SNX29: variants seen among roughly 807,000 people sequenced by gnomAD.
SNX29 encodes sorting nexin-29.
In SNX29, 78 loss-of-function variants were observed where a neutral mutation model predicts 102.1. That is an observed-to-expected ratio of 0.76 (90% CI 0.64 to 0.92). The LOEUF is 0.92. Ranked by LOEUF, SNX29 falls within the 40% of genes least tolerant of loss-of-function variation. The pLI, the probability that SNX29 is intolerant of heterozygous loss-of-function variation, is 0.00. For synonymous variants in SNX29, 580 were observed against 414.5 expected, an observed-to-expected ratio of 1.40 and a Z score of -4.85; for missense variants, 1,280 against 1,061.7, an observed-to-expected ratio of 1.21 and a Z score of -2.86.
chr16:12,554,067 C>T lies in SNX29; in HGVS notation c.2319-14439C>T, dbSNP rs1052546599. ...TCTGTAAATCCTGACCTCAAATGAT[C>T]CTCTCACCTTGGCCTCCCAAAAGCA... is the stretch of plus-strand genomic sequence containing the variant. On this transcript the variant is annotated intron_variant, in intron 20 of 20. Coordinates refer to ENST00000566228, the MANE Select transcript of SNX29 (RefSeq NM_032167.5). Among the ~76,000 whole-genome samples, 15 of 152,322 alleles carry T rather than the reference C, an allele frequency of 9.8e-5. 1 individual carries two copies. The highest frequency in any genetic ancestry group is 7.8e-4 in the Admixed American group (12 of 15,296).
chr16:12,134,775 G>C (rs1461923917), intron 13 of SNX29, among the ~76,000 whole-genome samples: 1 of 152,172 alleles, frequency 6.6e-6, no homozygotes, highest in Non-Finnish European at 1.5e-5. Context: ...CACTCATCAG[G>C]TATCTGCTTC....
chr16:12,564,060 C>T (rs184771728), intron 20 of SNX29, among the ~76,000 whole-genome samples: 8 of 152,258 alleles, frequency 5.3e-5, no homozygotes, highest in East Asian at 3.9e-4. Context: ...GGTTTGGCAA[C>T]GATGCTGTAT....
At chr16:12,144,744 C>G (rs957214611) in intron 13 of SNX29, among the ~76,000 whole-genome samples, 3 of 152,208 alleles carry the variant, frequency 2.0e-5, no homozygotes, top group African/African-American at 4.8e-5. Context: ...TTTTTTGAGA[C>G]GGAGTCTCGC....
At chr16:12,553,378 T>C (rs955121714) in intron 20 of SNX29, among the ~76,000 whole-genome samples, 1 of 152,178 alleles carries the variant, frequency 6.6e-6, no homozygotes, top group African/African-American at 2.4e-5. Context: ...AGACATGCTC[T>C]CAAGTTGAAC....
At position 12,514,918 on chromosome 16, in the gene SNX29, G is replaced by GAGAAAGAA. The variant is rs68136330; in HGVS notation, c.2179-9768_2179-9761dup. Among the ~76,000 whole-genome samples the GAGAAAGAA allele has an allele frequency of 8.0e-5, 12 of 149,332 alleles. No individual in the cohort carries two copies. The East Asian group carries it at 1.6e-3, about 20-fold the overall frequency. On this transcript the variant is annotated intron_variant, in intron 19 of 20. Coordinates refer to ENST00000566228, the MANE Select transcript of SNX29 (RefSeq NM_032167.5). Reference sequence around the variant, plus strand: ...AGAGAGAGGGAGAGAGAAAGAAAGAGAGAAAGAAAGAAAGAAAGAAAGAGA... The same window carrying GAGAAAGAA: ...AGAGAGAGGGAGAGAGAAAGAAAGAGAGAAAGAAAGAAAGAAAGAAAGAAAGAAAGAGA...
At chr16:12,212,643 G>GA (rs1252183568) in intron 14 of SNX29, among the ~76,000 whole-genome samples, 1 of 152,080 alleles carries the variant, frequency 6.6e-6, no homozygotes, top group African/African-American at 2.4e-5. Flanking sequence ...ATCTTCTTTT[G>GA]AAAAATGTCT....
intron 20 of SNX29, among the ~76,000 whole-genome samples, chr16:12,529,499 G>C (rs1344014891): frequency 6.6e-6 from 1 of 152,188 alleles, no homozygotes; most frequent in Non-Finnish European, 1.5e-5. Context: ...CTGTCATTTA[G>C]CGCATTATTA....
intron 20 of SNX29, among the ~76,000 whole-genome samples, chr16:12,564,310 TCAC>T (rs1345137920): frequency 6.6e-6 from 1 of 152,238 alleles, no homozygotes; most frequent in African/African-American, 2.4e-5. Context: ...TGGCTAGACT[TCAC>T]TAGTGTCTCT....
At chr16:12,211,285 A>G (rs1194972096) in intron 14 of SNX29, among the ~76,000 whole-genome samples, 1 of 152,200 alleles carries the variant, frequency 6.6e-6, no homozygotes, top group Non-Finnish European at 1.5e-5. Context: ...TTTCGAATAC[A>G]TATTCTGATA....
chr16:12,560,136 C>CA (rs767939049), intron 20 of SNX29, among the ~76,000 whole-genome samples: 3 of 5,584 alleles, frequency 5.4e-4, no homozygotes, highest in African/African-American at 4.0e-3. Flanking sequence ...GTGTTCCCCT[C>CA]CCCCCCCCAA....
chr16:12,155,454 G>T (rs1221159449), intron 13 of SNX29, among the ~76,000 whole-genome samples: 2 of 152,128 alleles, frequency 1.3e-5, no homozygotes, highest in Non-Finnish European at 2.9e-5. Flanking sequence ...TTAACAAGTG[G>T]AGGAGGGGAT....
intron 18 of SNX29, among the ~76,000 whole-genome samples, chr16:12,404,482 C>G (rs2084086051): frequency 6.6e-6 from 1 of 152,164 alleles, no homozygotes; most frequent in Non-Finnish European, 1.5e-5. Flanking sequence ...GCTTTGTTCT[C>G]AGTGCTGAGC....
intron 14 of SNX29, among the ~76,000 whole-genome samples, chr16:12,201,707 G>C (rs576264477): frequency 2.0e-5 from 3 of 152,314 alleles, no homozygotes; most frequent in Non-Finnish European, 2.9e-5. Context: ...TAGATAATGT[G>C]ACTCTAATGC....
chr16:12,193,331 C>A (rs2076690832), intron 13 of SNX29, among the ~76,000 whole-genome samples: 1 of 151,926 alleles, frequency 6.6e-6, no homozygotes, highest in African/African-American at 2.4e-5. Flanking sequence ...TTAGCCGGGC[C>A]TAGTGGTGGG....
chr16:12,417,522 C>T (rs1013805376), intron 18 of SNX29, among the ~76,000 whole-genome samples: 1 of 152,140 alleles, frequency 6.6e-6, no homozygotes, highest in African/African-American at 2.4e-5. Flanking sequence ...GCTTTGCACA[C>T]TCTACATCCC....
intron 17 of SNX29, among the ~76,000 whole-genome samples, chr16:12,400,783 G>C (rs188443460): frequency 3.9e-5 from 6 of 152,244 alleles, no homozygotes; most frequent in African/African-American, 1.4e-4. Context: ...GAAACAAACA[G>C]CTCTACAATA....
chr16:12,314,918 G>A (rs965856002), intron 15 of SNX29, among the ~76,000 whole-genome samples: 6 of 152,164 alleles, frequency 3.9e-5, no homozygotes, highest in South Asian at 2.1e-4. Flanking sequence ...CCAAATTCTC[G>A]TCTTCTCAAT....
chr16:12,429,649 C>T (rs548968392), intron 18 of SNX29, among the ~76,000 whole-genome samples: 2 of 152,352 alleles, frequency 1.3e-5, no homozygotes, highest in East Asian at 3.9e-4. Context: ...TTGCGGTGCA[C>T]AGTGTTCCAC....
intron 20 of SNX29, among the ~76,000 whole-genome samples, chr16:12,528,146 C>T (rs1420423573): frequency 6.6e-6 from 1 of 151,798 alleles, no homozygotes; most frequent in Non-Finnish European, 1.5e-5. Context: ...TTTCTTAATT[C>T]AAGTACTTGC....
Sources: gnomAD v4.1 joint callset for allele counts (sites outside exome capture counted in the v4.1 genomes callset) on GRCh38, gnomAD v4.1.1 for gene constraint, MANE v1.5 for transcripts, NCBI Gene and HGNC (gene_info 2026-07-23, HGNC 2026-07-21) for gene names.